SLC36A1: variants seen among roughly 807,000 people sequenced by gnomAD.
SLC36A1 encodes the protein solute carrier family 36 member 1.
A neutral mutation model predicts 47.5 loss-of-function variants in SLC36A1; 30 were observed. The ratio of observed to expected loss-of-function variants is 0.63; its 90% CI spans 0.47 to 0.86. SLC36A1 has a LOEUF of 0.86. Ranked by LOEUF, SLC36A1 falls within the 40% of genes least tolerant of loss-of-function variation. The pLI, the probability that SLC36A1 is intolerant of heterozygous loss-of-function variation, is 0.00. For synonymous variants in SLC36A1, 255 were observed against 249.7 expected, an observed-to-expected ratio of 1.02 and a Z score of -0.20; for missense variants, 517 against 606.0, an observed-to-expected ratio of 0.85 and a Z score of 1.54.
At chr5:151,504,713 T>G in the SLC36A1 span, 2 of 152,626 alleles carry the variant, frequency 1.3e-5, no homozygotes, top group African/African-American at 2.4e-5. Flanking sequence ...ATTAGTTCCT[T>G]CCTTCCTTTG....
the SLC36A1 span, chr5:151,550,760 C>T: frequency 6.2e-7 from 1 of 1,614,096 alleles, no homozygotes; most frequent in Non-Finnish European, 8.5e-7. Flanking sequence ...ATGGCCTGGA[C>T]TCGCAGGAGC....
the SLC36A1 span, among the ~76,000 whole-genome samples, chr5:151,409,766 A>T: frequency 2.0e-5 from 3 of 152,204 alleles, no homozygotes; most frequent in African/African-American, 4.8e-5. Context: ...GCAGGGATTC[A>T]CAGCATCTCT....
chr5:151,476,852 C>G (rs546557707), intron 9 of SLC36A1, 96 bp downstream of exon 9: 1 of 1,436,942 alleles, frequency 7.0e-7, no homozygotes, highest in African/African-American at 1.4e-5. Flanking sequence ...TCTCTTAAAC[C>G]AGCCCACTTC....
intron 7 of SLC36A1, among the ~76,000 whole-genome samples, chr5:151,470,083 A>G (rs889058100): frequency 1.8e-4 from 28 of 152,258 alleles, no homozygotes; most frequent in Non-Finnish European, 4.4e-5. Context: ...CATAAAATAA[A>G]TAGTTCTTCA....
intron 1 of SLC36A1, among the ~76,000 whole-genome samples, chr5:151,457,434 A>G (rs1348185704): frequency 6.6e-6 from 1 of 152,070 alleles, no homozygotes; most frequent in East Asian, 1.9e-4. Flanking sequence ...TGTAGTATTA[A>G]TAGTATTCCT....
the SLC36A1 span, among the ~76,000 whole-genome samples, chr5:151,368,082 T>C: frequency 1.3e-5 from 2 of 152,210 alleles, no homozygotes; most frequent in Non-Finnish European, 2.9e-5. Context: ...GCTGTTTATA[T>C]TGAGCCTGAT....
At chr5:151,381,088 C>G in the SLC36A1 span, 1 of 481,626 alleles carries the variant, frequency 2.1e-6, no homozygotes, top group Non-Finnish European at 3.9e-6. Context: ...AGCCACACGA[C>G]CATGTCACCA....
At chr5:151,476,529 TC>T in intron 8 of SLC36A1, 60 bp from the exon 9 acceptor site, 1 of 1,313,508 alleles carries the variant, frequency 7.6e-7, no homozygotes, top group Non-Finnish European at 1.0e-6. Flanking sequence ...TTTTTTTTTT[TC>T]TTGGCCATTA....
chr5:151,474,159 CAAAAAAAAAA>C (rs1156305401), intron 8 of SLC36A1, among the ~76,000 whole-genome samples: 1 of 59,958 alleles, frequency 1.7e-5, no homozygotes, highest in Non-Finnish European at 2.9e-5. Flanking sequence ...GACTCTGTCT[CAAAAAAAAAA>C]AAAAAAAAAA....
At chr5:151,549,565 A>G in the SLC36A1 span, 5 of 1,479,430 alleles carry the variant, frequency 3.4e-6, no homozygotes, top group Non-Finnish European at 4.7e-6. Flanking sequence ...AGGCAGGGTT[A>G]GGGTAAGGTT....
the SLC36A1 span, chr5:151,382,361 C>A: frequency 1.3e-6 from 1 of 758,260 alleles, no homozygotes; most frequent in South Asian, 1.7e-5. Flanking sequence ...TGCGCCAGCT[C>A]AAAAATATCA....
chr5:151,421,108 C>T, the SLC36A1 span, among the ~76,000 whole-genome samples: 12 of 151,758 alleles, frequency 7.9e-5, no homozygotes, highest in Non-Finnish European at 1.2e-4. Flanking sequence ...CTCCTGACCT[C>T]GTGATCCACC....
chr5:151,541,151 T>G, the SLC36A1 span, among the ~76,000 whole-genome samples: 5 of 152,180 alleles, frequency 3.3e-5, no homozygotes, highest in Non-Finnish European at 5.9e-5. Context: ...CACTAAACAC[T>G]CCAAGGTTTT....
the SLC36A1 span, among the ~76,000 whole-genome samples, chr5:151,533,795 T>C: frequency 6.6e-6 from 1 of 152,092 alleles, no homozygotes; most frequent in African/African-American, 2.4e-5. Context: ...TATATATGTA[T>C]GTATACATGC....
At chr5:151,346,149 G>T in the SLC36A1 span, among the ~76,000 whole-genome samples, 1 of 152,078 alleles carries the variant, frequency 6.6e-6, no homozygotes, top group Non-Finnish European at 1.5e-5. Flanking sequence ...CCTTGTATCA[G>T]TTCAGGACAC....
the SLC36A1 span, among the ~76,000 whole-genome samples, chr5:151,420,362 CT>C: frequency 6.6e-6 from 1 of 152,160 alleles, no homozygotes; most frequent in East Asian, 1.9e-4. Context: ...GGGCAGGGCA[CT>C]TTTCCGAAGC....
chr5:151,511,771 A>G, the SLC36A1 span: 1 of 187,764 alleles, frequency 5.3e-6, no homozygotes. Context: ...GTATTTTGCA[A>G]GAACTCATTC....
At chr5:151,453,839 C>A (rs1754032484) in intron 1 of SLC36A1, among the ~76,000 whole-genome samples, 1 of 150,296 alleles carries the variant, frequency 6.7e-6, no homozygotes, top group South Asian at 2.1e-4. Flanking sequence ...AAATTTAACA[C>A]CTACAAATTT....
the SLC36A1 span, among the ~76,000 whole-genome samples, chr5:151,362,389 CTTTTTT>C: frequency 9.2e-6 from 1 of 109,014 alleles, no homozygotes; most frequent in Non-Finnish European, 1.8e-5. Context: ...ATTGATTCTT[CTTTTTT>C]TTTTTTTTTT....
Sources: allele counts gnomAD v4.1 joint callset (sites outside exome capture counted in the v4.1 genomes callset), GRCh38; gene constraint gnomAD v4.1.1; transcripts MANE v1.5; gene names NCBI Gene and HGNC (gene_info 2026-07-23, HGNC 2026-07-21).